The following PREP variants were observed in gnomAD, a reference collection of about 807,000 sequenced individuals.
PREP encodes the protein dJ355L5.1 (prolyl endopeptidase).
In PREP, 29 loss-of-function variants were observed where a neutral mutation model predicts 87.6. The observed-to-expected ratio is 0.33, with a 90% confidence interval of 0.25 to 0.45. The LOEUF is 0.45. Ranked by LOEUF, PREP falls within the 20% of genes least tolerant of loss-of-function variation. The pLI is 1.00. For missense variants in PREP, 695 were observed against 886.5 expected (o/e 0.78, Z 2.74); for synonymous variants, 337 against 328.6 (o/e 1.03, Z -0.28).
intron 10 of PREP, among the ~76,000 whole-genome samples, chr6:105,301,999 G>C (rs1378833627): frequency 6.6e-6 from 1 of 152,214 alleles, no homozygotes; most frequent in Non-Finnish European, 1.5e-5. Context: ...AGTTTATTTG[G>C]ATTTTAGCAG....
At chr6:105,362,044 A>G (rs17065857) in intron 6 of PREP, among the ~76,000 whole-genome samples, 13,807 of 152,344 alleles carry the variant, frequency 0.091, 734 homozygotes, top group Middle Eastern at 0.18. Flanking sequence ...CTGATAAAAC[A>G]GAAAATTCTA....
At chr6:105,397,625 C>T (rs1423879828) in intron 2 of PREP, among the ~76,000 whole-genome samples, 1 of 152,060 alleles carries the variant, frequency 6.6e-6, no homozygotes, top group African/African-American at 2.4e-5. Context: ...CACTATGAAC[C>T]ATAAACATTA....
intron 10 of PREP, among the ~76,000 whole-genome samples, chr6:105,320,697 T>C (rs998639202): frequency 3.9e-5 from 6 of 152,120 alleles, no homozygotes; most frequent in African/African-American, 7.2e-5. Context: ...AAATGAAACA[T>C]AGCCTGGGAG....
intron 10 of PREP, among the ~76,000 whole-genome samples, chr6:105,304,592 C>T (rs1264049348): frequency 6.6e-6 from 1 of 152,134 alleles, no homozygotes; most frequent in Non-Finnish European, 1.5e-5. Flanking sequence ...CCATGTGTCC[C>T]CGTTCTAGGC....
intron 6 of PREP, among the ~76,000 whole-genome samples, chr6:105,357,661 CTTAAAT>C (rs1051333173): frequency 9.2e-5 from 14 of 152,160 alleles, no homozygotes; most frequent in Non-Finnish European, 2.1e-4. Flanking sequence ...CCTTCTTCCA[CTTAAAT>C]TTAAACAACA....
At chr6:105,311,048 G>T (rs10458015) in intron 10 of PREP, among the ~76,000 whole-genome samples, 1 of 151,868 alleles carries the variant, frequency 6.6e-6, no homozygotes, top group Non-Finnish European at 1.5e-5. Flanking sequence ...GTGTGTCTTC[G>T]CAATTCTACC....
Position 105,385,297 on chromosome 6 carries a change from A to G in PREP, c.121-7778T>C, listed in dbSNP as rs535779125. On this transcript the variant is annotated intron_variant, in intron 2 of 14. Transcript: ENST00000652536. ...TAGATCTGCTTTAAAAAAAAAAAAAAAAAAAGAAAAAAAGCACATTTAGCC... is the reference window on the plus strand; with the variant it reads ...TAGATCTGCTTTAAAAAAAAAAAAAGAAAAAGAAAAAAAGCACATTTAGCC... Among the ~76,000 whole-genome samples the G allele has an allele frequency of 2.4e-4, 36 of 151,436 alleles. 1 individual carries two copies. Among genetic ancestry groups the G allele is most frequent in the African/African-American group, 7.5e-4 (31 of 41,488 alleles).
intron 10 of PREP, among the ~76,000 whole-genome samples, chr6:105,310,917 AATCTC>A (rs1770747807): frequency 1.3e-5 from 2 of 152,108 alleles, no homozygotes; most frequent in African/African-American, 4.8e-5. Flanking sequence ...TTATCCTCCT[AATCTC>A]ATCCTACACA....
At position 105,277,274 on chromosome 6, in the gene PREP, G is replaced by A. The variant is rs139814270; in HGVS notation, c.*870C>T. On this transcript the variant is annotated 3_prime_UTR_variant, in exon 15 of 15. Coordinates refer to ENST00000652536, the MANE Select transcript of PREP (RefSeq NM_002726.5). The stretch of plus-strand genomic sequence containing the variant: ...AAATTTCTGACTGTAAGAAATGCTT[G>A]GATATATGTATCTGTTTGTTTGGAT... Among the ~76,000 whole-genome samples the A allele has an allele frequency of 2.9e-3, 439 of 150,480 alleles. 4 individuals carry two copies. Among genetic ancestry groups the A allele is most frequent in the African/African-American group, 0.01 (406 of 40,294 alleles).
rs374586463 is a variant in PREP at position 105,323,780 on chromosome 6, A to C, written c.1214-12T>G. ...GTGATAAATGATACCTAAAAAGTAG[A>C]ATAAGGCTTGGTTTAGTCTACGGGA... On this transcript the variant is annotated splice_polypyrimidine_tract_variant and intron_variant, in intron 9 of 14. Coordinates refer to ENST00000652536, the MANE Select transcript of PREP (RefSeq NM_002726.5). 1.9e-6 allele frequency: 3 copies of C among 1,600,626 alleles called. No homozygotes were observed. The highest frequency in any genetic ancestry group is 2.6e-6 in the Non-Finnish European group (3 of 1,168,074).
chr6:105,380,314 G>A (rs941250701), intron 2 of PREP, among the ~76,000 whole-genome samples: 1 of 152,158 alleles, frequency 6.6e-6, no homozygotes, highest in Non-Finnish European at 1.5e-5. Context: ...GAGTAAGGAG[G>A]TGAGTGAGGC....
intron 7 of PREP, among the ~76,000 whole-genome samples, chr6:105,349,414 C>T (rs1771883095): frequency 6.6e-6 from 1 of 152,140 alleles, no homozygotes; most frequent in Non-Finnish European, 1.5e-5. Context: ...TATTTTCTAT[C>T]CTGCTAATTT....
intron 7 of PREP, among the ~76,000 whole-genome samples, chr6:105,340,808 G>T (rs1197275539): frequency 1.3e-5 from 2 of 152,118 alleles, no homozygotes; most frequent in Admixed American, 6.6e-5. Flanking sequence ...ATTACATAAT[G>T]GTAAAGGGAT....
intron 10 of PREP, among the ~76,000 whole-genome samples, chr6:105,305,853 T>G (rs59318615): frequency 2.0e-4 from 28 of 143,110 alleles, no homozygotes; most frequent in African/African-American, 4.8e-4. Flanking sequence ...TCTTTTTTTT[T>G]TGGGGGGGAC....
chr6:105,313,246 A>T (rs143660082), intron 10 of PREP, among the ~76,000 whole-genome samples: 122 of 152,290 alleles, frequency 8.0e-4, no homozygotes, highest in African/African-American at 2.7e-3. Flanking sequence ...GAATATCCCC[A>T]GCACTGGGTC....
chr6:105,340,535 C>A (rs1157795634), intron 7 of PREP, among the ~76,000 whole-genome samples: 1 of 152,160 alleles, frequency 6.6e-6, no homozygotes, highest in Non-Finnish European at 1.5e-5. Context: ...CAAATCCACA[C>A]ATAACAATAT....
chr6:105,288,790 G>C lies in PREP; in HGVS notation c.1422C>G (p.Gly474=). 6.2e-7 allele frequency: 1 copy of C among 1,614,072 alleles called. No homozygotes were observed. Among genetic ancestry groups the C allele is most frequent in the Non-Finnish European group, 8.5e-7 (1 of 1,179,990 alleles). Residue 474 remains glycine, a synonymous_variant, in exon 11 of 15, where the codon GGC becomes GGG. Coordinates refer to ENST00000652536, the MANE Select transcript of PREP (RefSeq NM_002726.5). The stretch of plus-strand genomic sequence containing the variant: ...TGGGTGTGATGGATATGTTGAAGCC[G>C]CCATAGCCATATAAGAAAGCTGGAT... ...GSHPAFLYGY[G]GFNISITPNY...
At chr6:105,320,441 G>A (rs910765073) in intron 10 of PREP, among the ~76,000 whole-genome samples, 5 of 152,138 alleles carry the variant, frequency 3.3e-5, no homozygotes, top group Non-Finnish European at 7.4e-5. Flanking sequence ...CTTCCCAGTC[G>A]AGATGCTCAG....
intron 2 of PREP, among the ~76,000 whole-genome samples, chr6:105,382,269 CAACACACACACA>C (rs1215088391): frequency 2.1e-5 from 2 of 95,676 alleles, no homozygotes; most frequent in African/African-American, 1.1e-4. Flanking sequence ...TAAGCGTTCT[CAACACACACACA>C]CACACACACA....
Sources: gnomAD v4.1 joint callset for allele counts (sites outside exome capture counted in the v4.1 genomes callset) on GRCh38, gnomAD v4.1.1 for gene constraint, MANE v1.5 for transcripts, NCBI Gene and HGNC (gene_info 2026-07-23, HGNC 2026-07-21) for gene names.